Variants in DOK6 observed in about 807,000 individuals in gnomAD.
DOK6 encodes the protein downstream of tyrosine kinase 6.
In DOK6, 22 loss-of-function variants were observed where a neutral mutation model predicts 44.0. The ratio of observed to expected loss-of-function variants is 0.50; its 90% CI spans 0.36 to 0.71. DOK6 has a LOEUF of 0.71. Among genes scored for constraint, DOK6 ranks in the 30% least tolerant of loss-of-function variants. The pLI, the probability that DOK6 is intolerant of heterozygous loss-of-function variation, is 0.00. For synonymous variants in DOK6, 166 were observed against 145.5 expected (o/e 1.14, Z -1.01); for missense variants, 340 against 416.4 (o/e 0.82, Z 1.60).
chr18:69,566,161 G>A (rs1390404769), intron 2 of DOK6, among the ~76,000 whole-genome samples: 1 of 151,186 alleles, frequency 6.6e-6, no homozygotes, highest in Non-Finnish European at 1.5e-5. Flanking sequence ...ATTTATAGAC[G>A]GAGTCTGGCT....
intron 3 of DOK6, among the ~76,000 whole-genome samples, chr18:69,607,023 C>T (rs981194725): frequency 6.6e-6 from 1 of 152,158 alleles, no homozygotes; most frequent in African/African-American, 2.4e-5. Context: ...ACAAAAGATT[C>T]CTGGGTCAGA....
intron 7 of DOK6, among the ~76,000 whole-genome samples, chr18:69,819,797 A>G (rs1981513688): frequency 6.6e-6 from 1 of 152,174 alleles, no homozygotes; most frequent in African/African-American, 2.4e-5. Flanking sequence ...TATTTCACTT[A>G]TTATAATGTC....
At chr18:69,488,119 C>T (rs1980634286) in intron 1 of DOK6, among the ~76,000 whole-genome samples, 1 of 152,128 alleles carries the variant, frequency 6.6e-6, no homozygotes, top group African/African-American at 2.4e-5. Flanking sequence ...TGACCACAAT[C>T]TCATAGTGTG....
intron 3 of DOK6, among the ~76,000 whole-genome samples, chr18:69,648,601 G>T (rs985129223): frequency 3.3e-5 from 5 of 152,122 alleles, no homozygotes; most frequent in African/African-American, 9.7e-5. Context: ...GGAAATAGAG[G>T]ACATGGCGAT....
intron 1 of DOK6, among the ~76,000 whole-genome samples, chr18:69,561,233 A>T (rs1982824074): frequency 6.6e-6 from 1 of 152,166 alleles, no homozygotes; most frequent in South Asian, 2.1e-4. Flanking sequence ...AAGGTTGCAC[A>T]GCTAGTAAGT....
intron 1 of DOK6, among the ~76,000 whole-genome samples, chr18:69,485,804 G>A (rs1419904233): frequency 6.6e-6 from 1 of 151,860 alleles, no homozygotes; most frequent in Non-Finnish European, 1.5e-5. Context: ...AGAATTTTCT[G>A]TCTCATTGCA....
chr18:69,639,129 T>C (rs1343602275), intron 3 of DOK6, among the ~76,000 whole-genome samples: 2 of 152,210 alleles, frequency 1.3e-5, no homozygotes, highest in African/African-American at 4.8e-5. Flanking sequence ...AAAAGAGGCA[T>C]AATAGCAGAA....
chr18:69,639,163 G>A (rs1292468431), intron 3 of DOK6, among the ~76,000 whole-genome samples: 1 of 152,150 alleles, frequency 6.6e-6, no homozygotes. Flanking sequence ...GATGAACCAA[G>A]GAAAAGCTTT....
At chr18:69,627,242 A>G (rs1478095336) in intron 3 of DOK6, among the ~76,000 whole-genome samples, 1 of 152,182 alleles carries the variant, frequency 6.6e-6, no homozygotes, top group African/African-American at 2.4e-5. Flanking sequence ...GAGAAGAGAA[A>G]TGCCTTCTTC....
intron 7 of DOK6, among the ~76,000 whole-genome samples, chr18:69,824,756 C>A (rs775952778): frequency 2.0e-5 from 3 of 152,174 alleles, no homozygotes; most frequent in Non-Finnish European, 4.4e-5. Flanking sequence ...TTAATGAACA[C>A]CCAAATGGTA....
At chr18:69,502,408 C>T (rs992608504) in intron 1 of DOK6, among the ~76,000 whole-genome samples, 3 of 151,834 alleles carry the variant, frequency 2.0e-5, no homozygotes, top group East Asian at 1.9e-4. Flanking sequence ...TATTAAAAGT[C>T]GAGAAAGAAG....
intron 3 of DOK6, among the ~76,000 whole-genome samples, chr18:69,676,523 G>T (rs904399365): frequency 1.3e-4 from 20 of 152,026 alleles, no homozygotes; most frequent in African/African-American, 2.7e-4. Context: ...AAAGGGTGAG[G>T]TGTCATCCAC....
At chr18:69,442,617 T>C (rs754785199) in intron 1 of DOK6, among the ~76,000 whole-genome samples, 1 of 152,148 alleles carries the variant, frequency 6.6e-6, no homozygotes, top group Admixed American at 6.6e-5. Flanking sequence ...GAGATTTGGG[T>C]GGGGATACAG....
At chr18:69,759,280 T>A (rs910191868) in intron 7 of DOK6, among the ~76,000 whole-genome samples, 1 of 152,202 alleles carries the variant, frequency 6.6e-6, no homozygotes, top group Non-Finnish European at 1.5e-5. Flanking sequence ...TGAGTCATGA[T>A]CATGCAAAAT....
chr18:69,676,904 G>T (rs747164957), intron 3 of DOK6, among the ~76,000 whole-genome samples: 13 of 152,134 alleles, frequency 8.5e-5, no homozygotes, highest in Non-Finnish European at 8.8e-5. Context: ...TTGTGTTGAT[G>T]TAACACATTC....
At chr18:69,696,671 G>C (rs375104168) in intron 4 of DOK6, among the ~76,000 whole-genome samples, 3 of 152,096 alleles carry the variant, frequency 2.0e-5, no homozygotes, top group African/African-American at 4.8e-5. Context: ...ATTGATGTTC[G>C]GGCCTTGTGT....
intron 2 of DOK6, among the ~76,000 whole-genome samples, chr18:69,579,903 G>A (rs1983326727): frequency 6.6e-6 from 1 of 152,258 alleles, no homozygotes; most frequent in South Asian, 2.1e-4. Context: ...GATTACAGGC[G>A]TGAACCACTC....
intron 7 of DOK6, among the ~76,000 whole-genome samples, chr18:69,809,213 T>A (rs4891774): frequency 0.57 from 85,567 of 151,166 alleles, 28,311 homozygotes; most frequent in East Asian, 0.75. Flanking sequence ...TATATAATCA[T>A]CTCAGAATGC....
At chr18:69,713,466 A>G (rs1047336348) in intron 5 of DOK6, among the ~76,000 whole-genome samples, 3 of 152,198 alleles carry the variant, frequency 2.0e-5, no homozygotes, top group African/African-American at 4.8e-5. Flanking sequence ...TAACAACTGA[A>G]TGCAACTCTC....
Sources: gnomAD v4.1 joint callset for allele counts (sites outside exome capture counted in the v4.1 genomes callset) on GRCh38, gnomAD v4.1.1 for gene constraint, MANE v1.5 for transcripts, NCBI Gene and HGNC (gene_info 2026-07-23, HGNC 2026-07-21) for gene names.